HERC5: variants seen among roughly 807,000 people sequenced by gnomAD.
The protein encoded by HERC5 is E3 ISG15--protein ligase HERC5.
In HERC5, 99 loss-of-function variants were observed where a neutral mutation model predicts 119.6. The observed-to-expected ratio is 0.83, with a 90% CI of 0.70 to 0.98. The LOEUF (loss-of-function observed/expected upper bound fraction) is 0.98. Ranked by LOEUF, HERC5 falls within the 50% of genes least tolerant of loss-of-function variation. HERC5 has a pLI of 0.00. For missense variants in HERC5, 1,267 were observed against 1,241.3 expected (o/e 1.02, Z -0.31); for synonymous variants, 478 against 445.9 (o/e 1.07, Z -0.91).
chr4:88,462,375 G>C lies in HERC5; in HGVS notation c.688+19G>C. 1 of 1,592,164 alleles carries C rather than the reference G, an allele frequency of 6.3e-7. No individual in the cohort carries two copies. Among genetic ancestry groups the C allele is most frequent in the South Asian group, 1.1e-5 (1 of 90,488 alleles). On this transcript the variant is annotated intron_variant, in intron 4 of 22. Coordinates refer to ENST00000264350, the MANE Select transcript of HERC5 (RefSeq NM_016323.4). ...ACTGAGAGTATGGAACACATTCTCA[G>C]ATTCCTATTACCAACAGATATACTT...
At chr4:88,470,437 A>G (rs1560602169) in intron 9 of HERC5, among the ~76,000 whole-genome samples, 177 bp from the exon 10 acceptor site, 1 of 152,208 alleles carries the variant, frequency 6.6e-6, no homozygotes, top group Non-Finnish European at 1.5e-5. Flanking sequence ...TTTACCAAAC[A>G]GAATGGACTT....
Position 88,476,037 on chromosome 4 carries a change from T to G in HERC5, c.1582+7T>G. ...CAGTCTTCACTGGTTCTGGGTAAGT[T>G]TGATCATTTGAAGATACTTTACCTG... On this transcript the variant is annotated splice_region_variant and intron_variant, in intron 12 of 22. Coordinates refer to ENST00000264350, the MANE Select transcript of HERC5 (RefSeq NM_016323.4). 6.2e-7 allele frequency: 1 copy of G among 1,607,888 alleles called. No individual in the cohort carries two copies. The highest frequency in any genetic ancestry group is 1.1e-5 in the South Asian group (1 of 90,116).
Position 88,504,425 on chromosome 4 carries a change from C to T in HERC5, c.2766+10C>T, listed in dbSNP as rs112961590. ...GAAAACATTTGAAAAGGTACATCAT[C>T]AAGTCTAAGTTGATTAAATTCAGTT... On this transcript the variant is annotated intron_variant, in intron 21 of 22. Transcript: ENST00000264350. 6.3e-7 allele frequency: 1 copy of T among 1,595,408 alleles called. No individual in the cohort carries two copies. The highest frequency in any genetic ancestry group is 2.2e-5 in the East Asian group (1 of 44,532).
chr4:88,500,942 T>A lies in HERC5; in HGVS notation c.2539T>A (p.Leu847Ile). 1 of 1,612,074 alleles carries A rather than the reference T, an allele frequency of 6.2e-7. No individual in the cohort carries two copies. Among genetic ancestry groups the A allele is most frequent in the Non-Finnish European group, 8.5e-7 (1 of 1,179,408 alleles). ...GCACTGGGACAGAAACGACACAAAC[T>A]TAATTCCTAATGGAAGTAGCATAAC... Reference protein sequence around the residue: ...NVHWDRNDTNLIPNGSSITVN... With the variant: ...NVHWDRNDTNIIPNGSSITVN... Residue 847 changes from leucine (L) to isoleucine (I), a missense_variant, in exon 20 of 23, where the codon TTA becomes ATA. Leu to Ile is a conservative substitution (Grantham distance 5). Around this residue, in one of 3 missense-constraint regions of HERC5, gnomAD observed 473 missense variants for 445.7 expected, o/e 1.06. Coordinates refer to ENST00000264350, the MANE Select transcript of HERC5 (RefSeq NM_016323.4).
chr4:88,472,721 C>T (rs982151025), intron 11 of HERC5, among the ~76,000 whole-genome samples: 1 of 150,014 alleles, frequency 6.7e-6, no homozygotes, highest in African/African-American at 2.5e-5. Flanking sequence ...AATAGTGTGT[C>T]TGTACACAAA....
At chr4:88,491,192 G>T (rs554582557) in intron 16 of HERC5, among the ~76,000 whole-genome samples, 2 of 152,228 alleles carry the variant, frequency 1.3e-5, no homozygotes, top group South Asian at 4.1e-4. Flanking sequence ...AAGATTTTTA[G>T]TATTTCACTA....
chr4:88,479,319 T>A, intron 12 of HERC5, 34 bp from the exon 13 acceptor site: 1 of 1,536,008 alleles, frequency 6.5e-7, no homozygotes, highest in Non-Finnish European at 8.7e-7. Flanking sequence ...TAAAACTCAT[T>A]TTTTAAAAAA....
At chr4:88,489,623 C>G (rs141024373) in intron 16 of HERC5, among the ~76,000 whole-genome samples, 318 of 152,276 alleles carry the variant, frequency 2.1e-3, no homozygotes, top group African/African-American at 7.1e-3. Flanking sequence ...CTTCTGAGGT[C>G]TGGCCTAGCC....
Position 88,504,286 on chromosome 4 carries a change from G to A in HERC5, c.2637G>A (p.Ala879=), listed in dbSNP as rs761284663. The change falls in exon 21 of 23, where the codon GCG becomes GCA. Residue 879 remains alanine (A), a synonymous_variant. Coordinates refer to ENST00000264350, the MANE Select transcript of HERC5 (RefSeq NM_016323.4). The stretch of plus-strand genomic sequence containing the variant: ...ACATTTTCAACGACTCTGTAAAGGC[G>A]GTTTATGAAGAATTTCGGAGAGGAT... ...INYIFNDSVK[A]VYEEFRRGFY... 26 of 1,611,798 alleles carry A rather than the reference G, an allele frequency of 1.6e-5. No individual in the cohort carries two copies. Among genetic ancestry groups the A allele is most frequent in the Non-Finnish European group, 2.0e-5 (23 of 1,178,268 alleles).
chr4:88,480,497 A>G (rs1741245302), intron 13 of HERC5, among the ~76,000 whole-genome samples: 1 of 149,844 alleles, frequency 6.7e-6, no homozygotes, highest in African/African-American at 2.5e-5. Flanking sequence ...ATGCTGCTAT[A>G]AACATTTTTG....
rs930344279 is a variant in HERC5 at position 88,464,060 on chromosome 4, TCA to T, written c.911+76_911+77del. ...AGATAGTAATTTAATAAAATTTCTT[TCA>T]GTTTCTTTGAGATGTATCAAACATT... On this transcript the variant is annotated intron_variant, in intron 6 of 22. Transcript: ENST00000264350. 28 of 1,353,638 alleles carry T rather than the reference TCA, an allele frequency of 2.1e-5. No homozygotes were observed. In the African/African-American group the frequency reaches 3.1e-4, roughly 15 times the overall value. 83.9% of individuals were successfully genotyped at this position (1,353,638 alleles called of 1,614,324 possible). A position where few individuals can be genotyped will look rare whatever the true frequency, so the allele number is the denominator to read the frequency against.
intron 6 of HERC5, 43 bp downstream of exon 6, chr4:88,464,028 GC>G: frequency 6.5e-7 from 1 of 1,534,570 alleles, no homozygotes; most frequent in African/African-American, 1.4e-5. Context: ...AATGAGTGCA[GC>G]AAACTAGATA....
rs1274381473 is a variant in HERC5, at chr4:88,458,128, C to T, written c.265+594C>T. 1.0e-5 allele frequency: 10 copies of T among 954,278 alleles called. No homozygotes were observed. The East Asian group carries it at 6.9e-4, about 66-fold the overall frequency. 59.1% of individuals were successfully genotyped at this position (954,278 alleles called of 1,614,324 possible). ...TCGGTAAATTGCCTGTTTATCTTTG[C>T]CTGGCTTTTAGAAATTTGAGTTGTT... On this transcript the variant is annotated intron_variant, in intron 1 of 22. Transcript: ENST00000264350.
At position 88,462,120 on chromosome 4, in the gene HERC5, T is replaced by C; in HGVS notation, c.467-15T>C. 6.2e-7 allele frequency: 1 copy of C among 1,608,474 alleles called. No homozygotes were observed. The highest frequency in any genetic ancestry group is 8.5e-7 in the Non-Finnish European group (1 of 1,176,132). On this transcript the variant is annotated splice_polypyrimidine_tract_variant and intron_variant, in intron 3 of 22. Coordinates refer to ENST00000264350, the MANE Select transcript of HERC5 (RefSeq NM_016323.4). ...TTAAATGGAATAAAACAGCATTTGCTTTGTTTATGTCAAGGTGGTGAGCTT... is the reference window on the plus strand; with the variant it reads ...TTAAATGGAATAAAACAGCATTTGCCTTGTTTATGTCAAGGTGGTGAGCTT...
intron 6 of HERC5, among the ~76,000 whole-genome samples, chr4:88,464,548 G>GT (rs1389350640): frequency 1.3e-5 from 2 of 151,098 alleles, no homozygotes; most frequent in Non-Finnish European, 3.0e-5. Flanking sequence ...TTATTTAAAG[G>GT]TTTTTTGGTT....
rs367942785 is a variant in HERC5, at chr4:88,475,199, C to A, written c.1393-642C>A. 2.0e-5 allele frequency among the ~76,000 whole-genome samples: 3 copies of A among 148,438 alleles called. No homozygotes were observed. In the East Asian group the frequency reaches 6.1e-4, roughly 30 times the overall value. On this transcript the variant is annotated intron_variant, in intron 11 of 22. Transcript: ENST00000264350. ...TTTTACTCTTGAAAAAAGAAACCCA[C>A]GGTGTGATAGTGTAAACCAGAGGGT...
At chr4:88,504,655 A>C (rs189115986) in intron 22 of HERC5, 58 bp downstream of exon 22, 12 of 1,089,650 alleles carry the variant, frequency 1.1e-5, no homozygotes, top group Non-Finnish European at 1.5e-5. Context: ...TGGGATAAAA[A>C]TTTCCTTTAT....
intron 20 of HERC5, among the ~76,000 whole-genome samples, chr4:88,501,479 A>G (rs1741945868): frequency 6.6e-6 from 1 of 152,200 alleles, no homozygotes; most frequent in Non-Finnish European, 1.5e-5. Context: ...ACTTCCCAAC[A>G]TCTAATGGAA....
At chr4:88,494,578 C>A (rs1388943077) in intron 18 of HERC5, among the ~76,000 whole-genome samples, 1 of 152,198 alleles carries the variant, frequency 6.6e-6, no homozygotes, top group Non-Finnish European at 1.5e-5. Flanking sequence ...TAGGAACAGT[C>A]ATGCACAGAG....
Sources: gnomAD v4.1 joint callset for allele counts (sites outside exome capture counted in the v4.1 genomes callset) on GRCh38, gnomAD v4.1.1 for gene constraint, gnomAD v4.1.1 regional missense constraint, MANE v1.5 for transcripts, NCBI Gene and HGNC (gene_info 2026-07-23, HGNC 2026-07-21) for gene names.